The following BFSP1 variants were observed in gnomAD, a reference collection of about 807,000 sequenced individuals.
BFSP1 encodes filensin.
In BFSP1, 38 loss-of-function variants were observed where a neutral mutation model predicts 43.9. The observed-to-expected ratio is 0.87, with a 90% confidence interval of 0.67 to 1.14. The LOEUF (loss-of-function observed/expected upper bound fraction) is 1.14. Among genes scored for constraint, BFSP1 ranks in the 50% most tolerant of loss-of-function variants. The probability of loss-of-function intolerance (pLI) is 0.00; values close to 1 mark genes in which losing one functional copy is unlikely to be tolerated. For missense variants in BFSP1, 850 were observed against 875.1 expected (o/e 0.97, Z 0.36); for synonymous variants, 352 against 354.8 (o/e 0.99, Z 0.09).
At chr20:17,545,766 G>A (rs1452080675) in intron 1 of BFSP1, among the ~76,000 whole-genome samples, 1 of 152,232 alleles carries the variant, frequency 6.6e-6, no homozygotes, top group Non-Finnish European at 1.5e-5. Context: ...ATGCTTTGAT[G>A]TACTTGCACA....
intron 3 of BFSP1, among the ~76,000 whole-genome samples, chr20:17,513,488 AAGTAGGGTAGAAGCAAGG>A (rs1321608729): frequency 6.6e-6 from 1 of 152,158 alleles, no homozygotes; most frequent in Non-Finnish European, 1.5e-5. Flanking sequence ...GGATTCCATC[AAGTAGGGTAGAAGCAAGG>A]AGGTGGGTGG....
At chr20:17,530,170 G>C (rs2034503722) in intron 1 of BFSP1, among the ~76,000 whole-genome samples, 1 of 152,154 alleles carries the variant, frequency 6.6e-6, no homozygotes. Flanking sequence ...AATACTGCTG[G>C]TCCATGGACC....
intron 1 of BFSP1, among the ~76,000 whole-genome samples, chr20:17,555,226 G>A (rs2034970183): frequency 6.8e-6 from 1 of 147,286 alleles, no homozygotes; most frequent in Admixed American, 6.9e-5. Flanking sequence ...TCTTGAGGCT[G>A]CAGTGAGCTG....
chr20:17,545,429 C>G (rs936634882), intron 1 of BFSP1, among the ~76,000 whole-genome samples: 1 of 152,196 alleles, frequency 6.6e-6, no homozygotes, highest in African/African-American at 2.4e-5. Flanking sequence ...AAGGCCAGTT[C>G]CTGGAATTCT....
At chr20:17,544,514 T>TAA (rs2034770028) in intron 1 of BFSP1, among the ~76,000 whole-genome samples, 1 of 152,200 alleles carries the variant, frequency 6.6e-6, no homozygotes, top group African/African-American at 2.4e-5. Context: ...TTTTAATAGA[T>TAA]CAGCTCTCTA....
intron 2 of BFSP1, among the ~76,000 whole-genome samples, chr20:17,522,409 C>A (rs893408267): frequency 6.6e-6 from 1 of 152,218 alleles, no homozygotes; most frequent in Non-Finnish European, 1.5e-5. Context: ...CCCTCCCCAG[C>A]GTCCTGCATC....
chr20:17,530,968 T>C lies in BFSP1; in HGVS notation c.362A>G (p.Asp121Gly). 7.0e-7 allele frequency: 1 copy of C among 1,438,092 alleles called. No individual in the cohort carries two copies. The highest frequency in any genetic ancestry group is 9.1e-7 in the Non-Finnish European group (1 of 1,099,422). The allele number at this position is 1,438,092 out of a possible 1,614,324, so 89.1% of individuals were successfully genotyped here. The stretch of plus-strand genomic sequence containing the variant: ...CGCCGCTTACTTGCTTCGGAACTCG[T>C]CGAGCGCGCGCTGCGCCTCGGTGCC... The part of the protein sequence containing the change: ...RQGTEAQRAL[D>G]EFRSKYENEC... Residue 121 changes from aspartate (D) to glycine (G), a missense_variant, in exon 1 of 8, where the codon GAC becomes GGC. Coordinates refer to ENST00000377873, the MANE Select transcript of BFSP1 (RefSeq NM_001195.5).
chr20:17,559,979 A>G (rs1197248688), upstream of BFSP1, among the ~76,000 whole-genome samples: 2 of 152,084 alleles, frequency 1.3e-5, no homozygotes, highest in African/African-American at 2.4e-5. Context: ...CAAATTTCAA[A>G]TCATGACCAT....
At chr20:17,566,190 G>A (rs1217068695) in intron 1 of BFSP1, among the ~76,000 whole-genome samples, 3 of 151,850 alleles carry the variant, frequency 2.0e-5, no homozygotes, top group African/African-American at 7.3e-5. Context: ...TGAATTTGTG[G>A]AGAGGGAGGA....
At chr20:17,548,180 C>CAAAAAAAAAAAAAAAAA (rs11470598) in intron 1 of BFSP1, among the ~76,000 whole-genome samples, 1 of 119,848 alleles carries the variant, frequency 8.3e-6, no homozygotes, top group Non-Finnish European at 1.7e-5. Context: ...GAAAATAATG[C>CAAAAAAAAAAAAAAAAA]AAAAAAAAAA....
Position 17,538,883 on chromosome 20 carries a change from AC to A in BFSP1, c.3-13976del, listed in dbSNP as rs1466228572. 2.6e-5 allele frequency among the ~76,000 whole-genome samples: 4 copies of A among 152,156 alleles called. No homozygotes were observed. The East Asian group carries it at 7.7e-4, about 29-fold the overall frequency. On this transcript the variant is annotated intron_variant, in intron 1 of 7. Transcript: ENST00000377868. ...TTCTCTCTAAGATATCATTAAACAA[AC>A]CTACCACCACTTTCAAGTTGGGTCA...
chr20:17,504,611 A>C (rs2033886238), intron 5 of BFSP1, among the ~76,000 whole-genome samples: 1 of 152,196 alleles, frequency 6.6e-6, no homozygotes, highest in African/African-American at 2.4e-5. Context: ...AAAGGAGAGA[A>C]GGAATGAGCA....
rs11473581 is a variant in BFSP1, at chr20:17,529,064, A to AGTGTGTGTGTGTGTGTGTGT, written c.377+1869_377+1888dup. 1.5e-3 allele frequency among the ~76,000 whole-genome samples: 219 copies of AGTGTGTGTGTGTGTGTGTGT among 147,204 alleles called. 1 individual carries two copies. The highest frequency in any genetic ancestry group is 5.3e-3 in the African/African-American group (205 of 38,408). On this transcript the variant is annotated intron_variant, in intron 1 of 7. Transcript: ENST00000377873. ...GATGAATATCTTACATGGTTAAATA[A>AGTGTGTGTGTGTGTGTGTGT]GTGTGTGTGTGTGTGTGTGTGTGTG...
chr20:17,556,538 G>A (rs6111567), intron 1 of BFSP1, among the ~76,000 whole-genome samples: 12,441 of 151,950 alleles, frequency 0.082, 906 homozygotes, highest in African/African-American at 0.2. Context: ...AAAAAACACA[G>A]GAACACAAAA....
intron 5 of BFSP1, among the ~76,000 whole-genome samples, chr20:17,505,848 A>C (rs1047148872): frequency 2.6e-5 from 4 of 152,150 alleles, no homozygotes; most frequent in Admixed American, 2.6e-4. Flanking sequence ...TCCCGGGCGC[A>C]CCCAGCCACG....
At chr20:17,559,999 G>C (rs1224945147), upstream of BFSP1, among the ~76,000 whole-genome samples, 1 of 151,954 alleles carries the variant, frequency 6.6e-6, no homozygotes, top group African/African-American at 2.4e-5. Context: ...TTGGCCTTTG[G>C]CTATCTGTTT....
rs2123443506 is a variant in BFSP1, at chr20:17,494,345, A to C, written c.1727T>G (p.Val576Gly). 2 of 1,614,092 alleles carry C rather than the reference A, an allele frequency of 1.2e-6. No homozygotes were observed. Among genetic ancestry groups the C allele is most frequent in the Non-Finnish European group, 8.5e-7 (1 of 1,179,974 alleles). ...AGATGGTTCCTCTGCACCGGGTGTG[A>C]CCATGGCACAGGGTCTCCTGGACTC... Reference protein sequence around the residue: ...DEESRRPCAMVTPGAEEPSIP... With the variant: ...DEESRRPCAMGTPGAEEPSIP... Residue 576 changes from valine (V) to glycine (G), a missense_variant, in exon 8 of 8, where the codon GTC (valine) becomes GGC (glycine). By Grantham distance (109) the Val-to-Gly change is moderately radical. Transcript: ENST00000377873.
chr20:17,503,070 C>A (rs576706505), intron 5 of BFSP1, among the ~76,000 whole-genome samples: 2 of 152,338 alleles, frequency 1.3e-5, no homozygotes, highest in East Asian at 1.9e-4. Context: ...ATTGCCCAGG[C>A]TGGAGTGCAG....
At chr20:17,518,677 G>A (rs2034254912) in intron 2 of BFSP1, among the ~76,000 whole-genome samples, 1 of 152,226 alleles carries the variant, frequency 6.6e-6, no homozygotes, top group Admixed American at 6.5e-5. Context: ...ACAGAAAAGG[G>A]TGGAGGATTC....
Sources: gnomAD v4.1 joint callset for allele counts (sites outside exome capture counted in the v4.1 genomes callset) on GRCh38, gnomAD v4.1.1 for gene constraint, MANE v1.5 for transcripts, NCBI Gene and HGNC (gene_info 2026-07-23, HGNC 2026-07-21) for gene names.